FGD1: variants seen among roughly 807,000 people sequenced by gnomAD.
FGD1 encodes the protein FYVE, RhoGEF and PH domain-containing protein 1.
FGD1 carries 12 observed loss-of-function variants against 65.0 expected under a neutral mutation model. That is an observed-to-expected ratio of 0.18 (90% CI 0.12 to 0.30). FGD1 has a LOEUF of 0.30. Ranked by LOEUF, FGD1 falls within the 10% of genes least tolerant of loss-of-function variation. The pLI, the probability that FGD1 is intolerant of heterozygous loss-of-function variation, is 1.00. For missense variants in FGD1, 542 were observed against 837.6 expected, an observed-to-expected ratio of 0.65 and a Z score of 4.36; for synonymous variants, 333 against 343.9, an observed-to-expected ratio of 0.97 and a Z score of 0.35.
intron 8 of FGD1, among the ~76,000 whole-genome samples, chrX:54,459,894 T>G (rs1922587765): frequency 9.1e-6 from 1 of 109,907 alleles, no homozygotes; most frequent in Admixed American, 9.8e-5. Flanking sequence ...GAAGCTCAAT[T>G]TCTTCAACTC....
In FGD1 at chrX:54,449,655, T is replaced by C; in HGVS notation, c.2148+4A>G. 4.3e-6 allele frequency: 5 copies of C among 1,169,060 alleles called. No individual in the cohort carries two copies. Among genetic ancestry groups the C allele is most frequent in the South Asian group, 3.6e-5 (2 of 55,016 alleles). ...TGCAGGGGAAAGAGGGCGGGGACTC[T>C]TACTGGAGAGTTGGGTGGGGTGTCT... On this transcript the variant is annotated splice_donor_region_variant and intron_variant, in intron 14 of 17. Coordinates refer to ENST00000375135, the MANE Select transcript of FGD1 (RefSeq NM_004463.3).
At chrX:54,473,986 A>T (rs55875435) in intron 1 of FGD1, among the ~76,000 whole-genome samples, 27,382 of 107,631 alleles carry the variant, frequency 0.25, 3,768 homozygotes, top group East Asian at 0.59. Flanking sequence ...TCTCAAAAAA[A>T]AAATATATAT....
At chrX:54,477,434 T>A (rs1923043865) in intron 1 of FGD1, among the ~76,000 whole-genome samples, 1 of 81,655 alleles carries the variant, frequency 1.2e-5, no homozygotes, top group Admixed American at 1.2e-4. Context: ...ACTCAGTTAA[T>A]TTTTTTTTTT....
chrX:54,447,425 G>A lies in FGD1; in HGVS notation c.2466C>T (p.Ser822=), dbSNP rs376823676. Residue 822 remains serine (S), a synonymous_variant, in exon 17 of 18, where the codon AGC becomes AGT. Coordinates refer to ENST00000375135, the MANE Select transcript of FGD1 (RefSeq NM_004463.3). ...EKQASVAAEN[S]VICSFLHYME... ...TGTAGTGCAGGAAGCTGCAGATGAC[G>A]CTGTTCTCTGCAGCCACTGAGGCCT... 3.6e-5 allele frequency: 43 copies of A among 1,208,924 alleles called. No homozygotes were observed. The highest frequency in any genetic ancestry group is 2.7e-4 in the East Asian group (9 of 33,759).
intron 17 of FGD1, among the ~76,000 whole-genome samples, chrX:54,446,815 C>T (rs1482982827): frequency 1.9e-5 from 2 of 107,361 alleles, no homozygotes; most frequent in African/African-American, 3.4e-5. Flanking sequence ...CCTCTACCTC[C>T]CAGGTTCAAG....
At chrX:54,471,176 T>C (rs1922884472) in intron 2 of FGD1, 138 bp downstream of exon 2, 1 of 636,553 alleles carries the variant, frequency 1.6e-6, no homozygotes, top group African/African-American at 2.2e-5. Flanking sequence ...CTCTGTGCAC[T>C]AGGTAGGTAG....
chrX:54,465,321 C>T (rs1922734901), intron 8 of FGD1, 130 bp downstream of exon 8: 1 of 734,034 alleles, frequency 1.4e-6, no homozygotes, highest in African/African-American at 2.2e-5. Flanking sequence ...GGAGATTCTC[C>T]TCTGGGATTT....
At chrX:54,456,713 A>G (rs1291928921) in intron 8 of FGD1, 146 bp from the exon 9 acceptor site, 6 of 456,673 alleles carry the variant, frequency 1.3e-5, no homozygotes, top group Non-Finnish European at 1.9e-5. Flanking sequence ...GCTCACCACA[A>G]CCTCTGCCTC....
At position 54,495,137 on chromosome X, in the gene FGD1, T is replaced by C. The variant is rs764099715; in HGVS notation, c.296A>G (p.Gln99Arg). The change falls in exon 1 of 18, where the codon CAG becomes CGG. Residue 99 changes from glutamine (Q) to arginine (R), a missense_variant. Gln to Arg is a conservative substitution (Grantham distance 43, BLOSUM62 1). This residue lies in a region of FGD1 where 297 missense variants were observed against 326.8 expected (regional missense o/e 0.91). Transcript: ENST00000375135. ...AGTCGCTCACTCACCAGGCCGAGGC[T>C]GCGAGCCCTCCAGGTGGTAAGAGAA... The part of the protein sequence containing the change: ...LRFSYHLEGS[Q>R]PRPGLHQGNR... The C allele has an allele frequency of 1.7e-6, 2 of 1,182,600 alleles. No individual in the cohort carries two copies. Among genetic ancestry groups the C allele is most frequent in the East Asian group, 3.1e-5 (1 of 32,491 alleles).
At position 54,445,816 on chromosome X, in the gene FGD1, A is replaced by C; in HGVS notation, c.*293T>G. 5 of 288,421 alleles carry C rather than the reference A, an allele frequency of 1.7e-5. No individual in the cohort carries two copies. The highest frequency in any genetic ancestry group is 7.5e-5 in the East Asian group (1 of 13,332). 23.8% of individuals were successfully genotyped at this position (288,421 alleles called of 1,213,427 possible). A position where few individuals can be genotyped will look rare whatever the true frequency, so the allele number is the denominator to read the frequency against. On this transcript the variant is annotated 3_prime_UTR_variant, in exon 18 of 18. Transcript: ENST00000375135. ...GTGGAGGCAGGATCTGTGGTAGGGTATTGAGGGATGAGGGAGAAAAACGAC... is the reference window on the plus strand; with the variant it reads ...GTGGAGGCAGGATCTGTGGTAGGGTCTTGAGGGATGAGGGAGAAAAACGAC...
chrX:54,460,085 T>G (rs1265682834), intron 8 of FGD1, among the ~76,000 whole-genome samples: 6 of 102,091 alleles, frequency 5.9e-5, no homozygotes, highest in African/African-American at 2.1e-4. Context: ...GCTAACATGG[T>G]GAAACCCCGT....
intron 12 of FGD1, among the ~76,000 whole-genome samples, chrX:54,452,450 A>G (rs1355255293): frequency 2.7e-5 from 3 of 109,867 alleles, no homozygotes; most frequent in African/African-American, 6.6e-5. Context: ...TGATACACAC[A>G]TTAAAATCAC....
At chrX:54,472,405 G>A (rs748629085) in intron 1 of FGD1, among the ~76,000 whole-genome samples, 2 of 111,349 alleles carry the variant, frequency 1.8e-5, no homozygotes, top group African/African-American at 3.3e-5. Context: ...ACACACACAC[G>A]TGCAACATCC....
chrX:54,450,422 ATTAC>A, intron 12 of FGD1, 121 bp from the exon 13 acceptor site: 3 of 635,359 alleles, frequency 4.7e-6, no homozygotes, highest in South Asian at 2.3e-5. Flanking sequence ...TTCTTCACCT[ATTAC>A]TTATATGACC....
At chrX:54,478,423 C>T (rs1224762904) in intron 1 of FGD1, among the ~76,000 whole-genome samples, 2 of 109,583 alleles carry the variant, frequency 1.8e-5, no homozygotes, top group African/African-American at 6.7e-5. Context: ...ATTTATAAAA[C>T]TATGATACTT....
intron 1 of FGD1, among the ~76,000 whole-genome samples, chrX:54,493,753 T>G (rs1407434175): frequency 8.9e-6 from 1 of 112,062 alleles, no homozygotes; most frequent in Admixed American, 9.5e-5. Flanking sequence ...TGCCAGCTGG[T>G]TATCTTCAGC....
In FGD1 at chrX:54,483,468, GC is replaced by G. The variant is rs1428391012; in HGVS notation, c.307+11657del. ...TGCCAGCTGCAGCTCCCAAAGGCCA[GC>G]CCTGCCAGTCCCGCCTTTCCCGCTT... On this transcript the variant is annotated intron_variant, in intron 1 of 17. Coordinates refer to ENST00000375135, the MANE Select transcript of FGD1 (RefSeq NM_004463.3). Among the ~76,000 whole-genome samples the G allele has an allele frequency of 1.8e-4, 20 of 112,522 alleles. No homozygotes were observed. In the Middle Eastern group the frequency reaches 0.033, roughly 183 times the overall value.
intron 12 of FGD1, among the ~76,000 whole-genome samples, chrX:54,453,667 A>G (rs1260351182): frequency 8.9e-6 from 1 of 111,989 alleles, no homozygotes; most frequent in Non-Finnish European, 1.9e-5. Flanking sequence ...GGCCTCCCAA[A>G]GTGCTGGGAT....
chrX:54,490,062 C>T (rs1456245285), intron 1 of FGD1, among the ~76,000 whole-genome samples: 1 of 112,098 alleles, frequency 8.9e-6, no homozygotes, highest in African/African-American at 3.2e-5. Flanking sequence ...GGCCATTATC[C>T]TTAGCAAACT....
Sources: gnomAD v4.1 joint callset for allele counts (sites outside exome capture counted in the v4.1 genomes callset) on GRCh38, gnomAD v4.1.1 for gene constraint, gnomAD v4.1.1 regional missense constraint, MANE v1.5 for transcripts, NCBI Gene and HGNC (gene_info 2026-07-23, HGNC 2026-07-21) for gene names.